Variants in SYNE1 observed in about 807,000 individuals in gnomAD.
SYNE1 encodes the protein nesprin-1.
A neutral mutation model predicts 1,111.0 loss-of-function variants in SYNE1; 616 were observed. That is an observed-to-expected ratio of 0.55 (90% CI 0.52 to 0.59). The LOEUF is 0.59. SYNE1 is among the 20% of genes least tolerant of loss of function. The pLI is 0.00. For synonymous variants in SYNE1, 3,855 were observed against 3,825.8 expected, an observed-to-expected ratio of 1.01 and a Z score of -0.28; for missense variants, 10,006 against 10,417.0, an observed-to-expected ratio of 0.96 and a Z score of 1.72.
chr6:152,350,692 C>T lies in SYNE1; in HGVS notation c.11659G>A (p.Val3887Met). 1.2e-6 allele frequency: 2 copies of T among 1,614,108 alleles called. No homozygotes were observed. Among genetic ancestry groups the T allele is most frequent in the Middle Eastern group, 1.6e-4 (1 of 6,062 alleles). The change falls in exon 71 of 146, where the codon GTG becomes ATG. Residue 3887 changes from valine to methionine, a missense_variant. Physicochemically the swap from Val to Met is conservative, Grantham distance 21. Coordinates refer to ENST00000367255, the MANE Select transcript of SYNE1 (RefSeq NM_182961.4). ...TTGTCCTTTAAAGTGACGTCCTGCA[C>T]CAGTTCCAAAAGAGCTTCACCCTTC... ...REKGEALLEL[V>M]QDVTLKDKID...
At position 152,221,554 on chromosome 6, in the gene SYNE1, G is replaced by C; in HGVS notation, c.21528C>G (p.Leu7176=). The change falls in exon 118 of 146, where the codon CTC becomes CTG. Residue 7176 remains leucine (L), a synonymous_variant. Coordinates refer to ENST00000367255, the MANE Select transcript of SYNE1 (RefSeq NM_182961.4). ...TTTCCTGTTTTTCCAGATCATCTTG[G>C]AGATTCTGCCCCAAAAAAAAGACCC... The part of the protein sequence containing the change: ...VQVQVDNLQN[L]QDDLEKQERS... 6.2e-7 allele frequency: 1 copy of C among 1,613,554 alleles called. No homozygotes were observed. Among genetic ancestry groups the C allele is most frequent in the South Asian group, 1.1e-5 (1 of 91,058 alleles).
intron 42 of SYNE1, among the ~76,000 whole-genome samples, chr6:152,412,419 G>A (rs538409929): frequency 1.6e-4 from 23 of 141,464 alleles, no homozygotes; most frequent in African/African-American, 4.5e-4. Flanking sequence ...GCGAGACTCC[G>A]TCTCAAAAAA....
chr6:152,427,843 A>T (rs368590296), intron 37 of SYNE1, 27 bp from the exon 38 acceptor site: 1 of 1,613,842 alleles, frequency 6.2e-7, no homozygotes, highest in African/African-American at 1.3e-5. Flanking sequence ...GCAGAAACAA[A>T]TTTATTGAAA....
Position 152,543,450 on chromosome 6 carries a change from G to T in SYNE1, c.68-3429C>A, listed in dbSNP as rs551559691. ...CTTGAAAACCTTACTCCCAAGATTT[G>T]GTAGTTAAATCTGATACCAACAACA... On this transcript the variant is annotated intron_variant, in intron 3 of 145. Transcript: ENST00000367255. Among the ~76,000 whole-genome samples, 6 of 152,138 alleles carry T rather than the reference G, an allele frequency of 3.9e-5. No individual in the cohort carries two copies. In the East Asian group the frequency reaches 1.2e-3, roughly 29 times the overall value.
intron 128 of SYNE1, among the ~76,000 whole-genome samples, chr6:152,188,341 T>G (rs925428261): frequency 2.0e-5 from 3 of 152,178 alleles, no homozygotes; most frequent in Non-Finnish European, 4.4e-5. Context: ...GTTTTTCCTC[T>G]TTGCCTAGGA....
At chr6:152,514,669 A>AT (rs2099102518) in intron 6 of SYNE1, among the ~76,000 whole-genome samples, 1 of 152,040 alleles carries the variant, frequency 6.6e-6, no homozygotes, top group African/African-American at 2.4e-5. Context: ...AAAAAAAAAA[A>AT]AAATGAAGAG....
chr6:152,450,504 A>AT (rs34204865), intron 27 of SYNE1, 121 bp downstream of exon 27: 1 of 1,008,986 alleles, frequency 9.9e-7, no homozygotes, highest in East Asian at 2.4e-5. Context: ...TAAATGAAGG[A>AT]TTTTTGTACG....
intron 80 of SYNE1, 107 bp from the exon 81 acceptor site, chr6:152,325,409 A>G (rs963481458): frequency 1.8e-5 from 18 of 1,023,144 alleles, no homozygotes; most frequent in Non-Finnish European, 2.4e-5. Flanking sequence ...GCAAAAGGAA[A>G]TGTTTCTACA....
At chr6:152,612,949 G>T (rs2099635906) in intron 3 of SYNE1, among the ~76,000 whole-genome samples, 1 of 152,016 alleles carries the variant, frequency 6.6e-6, no homozygotes, top group African/African-American at 2.4e-5. Context: ...ATTCAACAGT[G>T]CTTCATGCTA....
chr6:152,140,257 C>T (rs996377978), intron 139 of SYNE1, 96 bp from the exon 140 acceptor site: 1 of 1,245,696 alleles, frequency 8.0e-7, no homozygotes, highest in Non-Finnish European at 1.2e-6. Flanking sequence ...TTTTAAATAG[C>T]AACAGAAAGA....
At position 152,231,566 on chromosome 6, in the gene SYNE1, C is replaced by T; in HGVS notation, c.20864G>A (p.Gly6955Asp). 6.2e-7 allele frequency: 1 copy of T among 1,612,600 alleles called. No homozygotes were observed. Among genetic ancestry groups the T allele is most frequent in the Non-Finnish European group, 8.5e-7 (1 of 1,179,424 alleles). The change falls in exon 114 of 146, where the codon GGT (glycine) becomes GAT (aspartate). Residue 6955 changes from glycine (G) to aspartate (D), a missense_variant and splice_region_variant. Gly to Asp is a moderately conservative substitution (Grantham distance 94). Transcript: ENST00000367255. ...AIHEYLQKYK[G>D]FKIDINCKQL... ...TTTACAGTTAATGTCTATCTTAAAA[C>T]CCTAAAAAAAAAGAGGAGAAAATAA...
intron 121 of SYNE1, among the ~76,000 whole-genome samples, chr6:152,216,713 AT>A (rs773684702): frequency 7.2e-5 from 11 of 152,110 alleles, no homozygotes; most frequent in African/African-American, 2.4e-4. Context: ...ATACAATAAA[AT>A]TTTCATGCCT....
intron 108 of SYNE1, among the ~76,000 whole-genome samples, chr6:152,237,973 A>T (rs2084615292): frequency 6.6e-6 from 1 of 152,196 alleles, no homozygotes; most frequent in Non-Finnish European, 1.5e-5. Flanking sequence ...AAATACACTT[A>T]CCAAATATCT....
chr6:152,308,978 A>C (rs2095466418), intron 90 of SYNE1, among the ~76,000 whole-genome samples: 1 of 152,166 alleles, frequency 6.6e-6, no homozygotes, highest in Non-Finnish European at 1.5e-5. Context: ...ACAAATACTG[A>C]ATATATAGGT....
chr6:152,435,826 C>A, intron 33 of SYNE1, 115 bp downstream of exon 33: 1 of 1,312,482 alleles, frequency 7.6e-7, no homozygotes, highest in Non-Finnish European at 1.1e-6. Context: ...TCAAAACATG[C>A]TGAAATACAC....
chr6:152,449,486 T>A, intron 28 of SYNE1, 47 bp downstream of exon 28: 1 of 1,327,858 alleles, frequency 7.5e-7, no homozygotes, highest in Non-Finnish European at 1.1e-6. Context: ...ACATTATTCT[T>A]CCACTATGAG....
intron 16 of SYNE1, 40 bp from the exon 17 acceptor site, chr6:152,466,118 G>T: frequency 7.4e-7 from 1 of 1,342,926 alleles, no homozygotes; most frequent in Non-Finnish European, 1.1e-6. Flanking sequence ...CAAACATTAG[G>T]CTCATGTAGA....
intron 98 of SYNE1, among the ~76,000 whole-genome samples, chr6:152,273,329 A>T (rs1005938204): frequency 1.3e-5 from 2 of 152,238 alleles, no homozygotes; most frequent in African/African-American, 4.8e-5. Context: ...ATTTGGAAAC[A>T]GTTGGTTATT....
chr6:152,533,546 A>ATG (rs2099216131), intron 4 of SYNE1, among the ~76,000 whole-genome samples: 1 of 152,130 alleles, frequency 6.6e-6, no homozygotes, highest in Admixed American at 6.5e-5. Context: ...CATTTTCAAA[A>ATG]GTCTTCCAGT....
Sources: gnomAD v4.1 joint callset for allele counts (sites outside exome capture counted in the v4.1 genomes callset) on GRCh38, gnomAD v4.1.1 for gene constraint, MANE v1.5 for transcripts, NCBI Gene and HGNC (gene_info 2026-07-23, HGNC 2026-07-21) for gene names.